Variants in CSMD1 observed in about 807,000 individuals in gnomAD.
The protein encoded by CSMD1 is CUB and sushi domain-containing protein 1.
A neutral mutation model predicts 417.5 loss-of-function variants in CSMD1; 213 were observed. That is an observed-to-expected ratio of 0.51 (90% CI 0.46 to 0.57). CSMD1 has a LOEUF of 0.57. Among genes scored for constraint, CSMD1 ranks in the 20% least tolerant of loss-of-function variants. CSMD1 has a pLI of 0.00. For missense variants in CSMD1, 6,923 were observed against 4,529.7 expected (o/e 1.53, Z -15.17); for synonymous variants, 2,862 against 1,736.8 (o/e 1.65, Z -16.11).
chr8:4,090,518 T>C (rs1249119527), intron 3 of CSMD1, among the ~76,000 whole-genome samples: 1 of 152,192 alleles, frequency 6.6e-6, no homozygotes, highest in Non-Finnish European at 1.5e-5. Context: ...TGGAAAGCTT[T>C]GTACACCTCT....
chr8:4,651,309 GAA>G (rs142629908), intron 1 of CSMD1, among the ~76,000 whole-genome samples: 2,791 of 151,854 alleles, frequency 0.018, 81 homozygotes, highest in African/African-American at 0.063. Context: ...GGTATTTCCA[GAA>G]AAAAAAGTGT....
At position 2,960,939 on chromosome 8, in the gene CSMD1, G is replaced by GATATATATATATATATATATAT. The variant is rs3076013; in HGVS notation, c.9702+180_9702+201dup. Among the ~76,000 whole-genome samples, 54 of 122,006 alleles carry GATATATATATATATATATATAT rather than the reference G, an allele frequency of 4.4e-4. 1 individual carries two copies. Among genetic ancestry groups the GATATATATATATATATATATAT allele is most frequent in the African/African-American group, 1.2e-3 (40 of 33,194 alleles). 80.0% of individuals were successfully genotyped at this position (122,006 alleles called of 152,430 possible). ...TATTCCATTATTATCTAGTAAGCAA[G>GATATATATATATATATATATAT]ATATATATATATATATATATATATA... On this transcript the variant is annotated intron_variant, in intron 62 of 69. Transcript: ENST00000635120.
At chr8:4,306,357 A>G (rs1440116776) in intron 3 of CSMD1, among the ~76,000 whole-genome samples, 1 of 152,094 alleles carries the variant, frequency 6.6e-6, no homozygotes, top group Non-Finnish European at 1.5e-5. Flanking sequence ...TATGTGACTA[A>G]TCAATGAGCC....
chr8:4,480,169 G>C (rs1411668219), intron 2 of CSMD1, among the ~76,000 whole-genome samples: 2 of 144,130 alleles, frequency 1.4e-5, no homozygotes, highest in Non-Finnish European at 3.0e-5. Context: ...AATACCACGA[G>C]AGTGCATTGT....
At chr8:4,407,190 C>G (rs909510487) in intron 3 of CSMD1, among the ~76,000 whole-genome samples, 1 of 152,184 alleles carries the variant, frequency 6.6e-6, no homozygotes, top group Admixed American at 6.5e-5. Context: ...TTTGCCAGTC[C>G]TCTTTAGAGT....
intron 3 of CSMD1, among the ~76,000 whole-genome samples, chr8:4,329,920 G>A (rs1002807976): frequency 6.6e-6 from 1 of 151,924 alleles, no homozygotes; most frequent in South Asian, 2.1e-4. Context: ...GCCATGTGAG[G>A]TGTCTGCTCC....
At chr8:3,018,797 T>C (rs1178204829) in intron 51 of CSMD1, 147 bp from the exon 52 acceptor site, 1 of 708,804 alleles carries the variant, frequency 1.4e-6, no homozygotes, top group Non-Finnish European at 2.3e-6. Flanking sequence ...GAGTGTCTGC[T>C]TAGGGCTGGA....
intron 1 of CSMD1, among the ~76,000 whole-genome samples, chr8:4,687,409 G>A (rs901989702): frequency 2.6e-5 from 4 of 152,184 alleles, no homozygotes; most frequent in Admixed American, 2.0e-4. Flanking sequence ...ACGTACTAGA[G>A]TGGAAAGAAA....
chr8:4,694,662 C>T (rs1480200606), intron 1 of CSMD1, among the ~76,000 whole-genome samples: 1 of 152,024 alleles, frequency 6.6e-6, no homozygotes, highest in Admixed American at 6.5e-5. Flanking sequence ...CGCGCCCAGC[C>T]CAATGTACTT....
In CSMD1 at chr8:4,142,180, C is replaced by A. The variant is rs188985062; in HGVS notation, c.416-110081G>T. ...GATACTGGTGAATACCATCATGACT[C>A]AAGATAATCACCAGATTAAAACATT... On this transcript the variant is annotated intron_variant, in intron 3 of 69. Coordinates refer to ENST00000635120, the MANE Select transcript of CSMD1 (RefSeq NM_033225.6). Among the ~76,000 whole-genome samples, 143 of 151,228 alleles carry A rather than the reference C, an allele frequency of 9.5e-4. 6 individuals are homozygous for A. Among genetic ancestry groups the A allele is most frequent in the African/African-American group, 3.0e-3 (121 of 40,548 alleles).
intron 1 of CSMD1, among the ~76,000 whole-genome samples, chr8:4,817,533 C>T (rs117547385): frequency 2.0e-5 from 3 of 152,340 alleles, no homozygotes; most frequent in East Asian, 3.9e-4. Context: ...GGCCAAGACA[C>T]TACTGCATGG....
chr8:4,012,229 T>A lies in CSMD1; in HGVS notation c.611-14119A>T, dbSNP rs192867056. On this transcript the variant is annotated intron_variant, in intron 4 of 69. Coordinates refer to ENST00000635120, the MANE Select transcript of CSMD1 (RefSeq NM_033225.6). Reference sequence around the variant, plus strand: ...TATGCCGTTTTACTCACTCGTCTCTTTAGATACTACTCTTCAGGCTTTCTC... The same window carrying A: ...TATGCCGTTTTACTCACTCGTCTCTATAGATACTACTCTTCAGGCTTTCTC... Among the ~76,000 whole-genome samples the A allele has an allele frequency of 2.2e-4, 34 of 152,132 alleles. No homozygotes were observed. In the East Asian group the frequency reaches 6.0e-3, roughly 27 times the overall value.
intron 3 of CSMD1, among the ~76,000 whole-genome samples, chr8:4,388,447 T>C (rs1160925931): frequency 6.6e-6 from 1 of 151,132 alleles, no homozygotes; most frequent in East Asian, 1.9e-4. Flanking sequence ...GTGAAGTAAC[T>C]CAGGAATGAA....
intron 1 of CSMD1, among the ~76,000 whole-genome samples, chr8:4,887,715 G>C (rs1803849637): frequency 6.6e-6 from 1 of 151,686 alleles, no homozygotes; most frequent in African/African-American, 2.4e-5. Flanking sequence ...TTGTTGGTAG[G>C]TGCATATATA....
chr8:3,800,253 A>C (rs1249330612), intron 5 of CSMD1, among the ~76,000 whole-genome samples: 1 of 152,178 alleles, frequency 6.6e-6, no homozygotes, highest in Non-Finnish European at 1.5e-5. Context: ...TATTGGAATA[A>C]CATTATATAT....
intron 3 of CSMD1, among the ~76,000 whole-genome samples, chr8:4,405,813 G>A (rs192596313): frequency 1.6e-4 from 24 of 152,228 alleles, no homozygotes; most frequent in African/African-American, 2.6e-4. Context: ...TGCCCTGGGC[G>A]GAGCAGTGCG....
chr8:3,699,231 G>C (rs1433857217), intron 7 of CSMD1, among the ~76,000 whole-genome samples: 1 of 152,188 alleles, frequency 6.6e-6, no homozygotes, highest in Non-Finnish European at 1.5e-5. Flanking sequence ...CTGACAATTA[G>C]TTTTTATTAC....
intron 3 of CSMD1, among the ~76,000 whole-genome samples, chr8:4,416,958 T>C (rs1365607338): frequency 6.6e-6 from 1 of 152,028 alleles, no homozygotes; most frequent in Admixed American, 6.6e-5. Flanking sequence ...TAATAGTTTC[T>C]GTTATTAATT....
chr8:4,377,131 T>C (rs1386467873), intron 3 of CSMD1, among the ~76,000 whole-genome samples: 1 of 152,192 alleles, frequency 6.6e-6, no homozygotes, highest in African/African-American at 2.4e-5. Flanking sequence ...ATTTCTCCTT[T>C]ATTTTTCATT....
Sources: gnomAD v4.1 joint callset for allele counts (sites outside exome capture counted in the v4.1 genomes callset) on GRCh38, gnomAD v4.1.1 for gene constraint, MANE v1.5 for transcripts, NCBI Gene and HGNC (gene_info 2026-07-23, HGNC 2026-07-21) for gene names.